TRPC5: variants seen among roughly 807,000 people sequenced by gnomAD.
TRPC5 encodes the protein short transient receptor potential channel 5.
Under a neutral mutation model 56.5 loss-of-function variants are expected in TRPC5, and 9 were observed. The ratio of observed to expected loss-of-function variants is 0.16; its 90% CI spans 0.10 to 0.28. The LOEUF (loss-of-function observed/expected upper bound fraction) is 0.28. Among genes scored for constraint, TRPC5 ranks in the 10% least tolerant of loss-of-function variants. The pLI is 1.00. For synonymous variants in TRPC5, 282 were observed against 278.5 expected (o/e 1.01, Z -0.13); for missense variants, 469 against 748.9 (o/e 0.63, Z 4.36).
At chrX:111,995,230 T>C (rs947842344) in intron 1 of TRPC5, among the ~76,000 whole-genome samples, 2 of 111,985 alleles carry the variant, frequency 1.8e-5, no homozygotes, top group Non-Finnish European at 3.8e-5. Flanking sequence ...AATCATGTGG[T>C]TTTAGTCATT....
At chrX:112,064,428 A>G (rs1178576114) in intron 1 of TRPC5, among the ~76,000 whole-genome samples, 1 of 111,951 alleles carries the variant, frequency 8.9e-6, no homozygotes, top group Non-Finnish European at 1.9e-5. Flanking sequence ...TCAGTCGACA[A>G]GTGTAGGGGG....
intron 1 of TRPC5, among the ~76,000 whole-genome samples, chrX:112,039,940 T>C (rs763953115): frequency 8.9e-6 from 1 of 112,236 alleles, no homozygotes; most frequent in Non-Finnish European, 1.9e-5. Context: ...ACTGAATATC[T>C]TGGAGGAAAG....
chrX:111,950,119 T>G (rs1229571922), intron 2 of TRPC5, among the ~76,000 whole-genome samples: 3 of 111,029 alleles, frequency 2.7e-5, no homozygotes, highest in African/African-American at 6.6e-5. Flanking sequence ...GGTCAGGAGA[T>G]CAAGAACATC....
chrX:112,048,399 C>CAAAA (rs58537492), intron 1 of TRPC5, among the ~76,000 whole-genome samples: 1,106 of 21,451 alleles, frequency 0.052, 193 homozygotes, highest in African/African-American at 0.17. Context: ...GACTCCGTAT[C>CAAAA]AAAAAAAAAA....
At chrX:112,070,755 C>CG (rs1457762936) in intron 1 of TRPC5, among the ~76,000 whole-genome samples, 1 of 107,207 alleles carries the variant, frequency 9.3e-6, no homozygotes, top group African/African-American at 3.6e-5. Context: ...AACTGCCCCC[C>CG]CCCAAAGTTA....
intron 5 of TRPC5, 32 bp downstream of exon 5, chrX:111,852,266 G>T: frequency 8.4e-7 from 1 of 1,194,507 alleles, no homozygotes; most frequent in Non-Finnish European, 1.1e-6. Context: ...CAAAATCGCT[G>T]TGTAGGAAAT....
chrX:111,888,693 C>CAAAAAAAAAAAAAAAAAAA (rs753735549), intron 3 of TRPC5, among the ~76,000 whole-genome samples: 1 of 10,985 alleles, frequency 9.1e-5, no homozygotes, highest in Non-Finnish European at 2.1e-4. Context: ...GACTCTATCT[C>CAAAAAAAAAAAAAAAAAAA]AAAAAAAAAA....
intron 1 of TRPC5, among the ~76,000 whole-genome samples, chrX:112,040,047 G>A (rs1447381870): frequency 8.9e-6 from 1 of 111,748 alleles, no homozygotes; most frequent in East Asian, 2.8e-4. Context: ...TAATTAAGGA[G>A]GCTCTCCAAA....
intron 3 of TRPC5, among the ~76,000 whole-genome samples, chrX:111,887,989 C>T (rs747059868): frequency 1.8e-5 from 2 of 111,384 alleles, no homozygotes; most frequent in East Asian, 2.8e-4. Flanking sequence ...CTCAGGACTG[C>T]CAAGTTGGGA....
Position 111,819,124 on chromosome X carries a change from C to T in TRPC5, c.1896+15797G>A, listed in dbSNP as rs137933843. On this transcript the variant is annotated intron_variant, in intron 7 of 10. Coordinates refer to ENST00000262839, the MANE Select transcript of TRPC5 (RefSeq NM_012471.3). ...TATACTGTCTTTTTGGGAAGTGCAC[C>T]GGCATCAGGAAGGTTCCTGCAAAAT... is the stretch of plus-strand genomic sequence containing the variant. 4.8e-3 allele frequency among the ~76,000 whole-genome samples: 536 copies of T among 111,369 alleles called. 3 individuals are homozygous for T. The highest frequency in any genetic ancestry group is 0.017 in the African/African-American group (512 of 30,651).
At chrX:111,838,118 C>T (rs1225012171) in intron 6 of TRPC5, among the ~76,000 whole-genome samples, 1 of 110,274 alleles carries the variant, frequency 9.1e-6, no homozygotes, top group East Asian at 2.8e-4. Flanking sequence ...ACAAAGAATG[C>T]ATGCATAAAT....
intron 7 of TRPC5, among the ~76,000 whole-genome samples, chrX:111,808,269 G>A (rs1263872603): frequency 9.0e-6 from 1 of 110,624 alleles, no homozygotes; most frequent in African/African-American, 3.3e-5. Context: ...CAGGAGCCAG[G>A]GCCTACAGTC....
rs1472327045 is a variant in TRPC5 at position 111,776,562 on chromosome X, T to C, written c.2673A>G (p.Ala891=). ...IRYSQMEKGK[A]EACSQSEINL... ...TAATTTCACTTTGAGAACAGGCCTC[T>C]GCTTTCCCTTTCTCCATCTGAGAAT... The change falls in exon 11 of 11, where the codon GCA becomes GCG. Residue 891 remains alanine (A), a synonymous_variant. Coordinates refer to ENST00000262839, the MANE Select transcript of TRPC5 (RefSeq NM_012471.3). 2.5e-6 allele frequency: 3 copies of C among 1,212,055 alleles called. No individual in the cohort carries two copies. The highest frequency in any genetic ancestry group is 3.3e-6 in the Non-Finnish European group (3 of 895,598).
intron 1 of TRPC5, among the ~76,000 whole-genome samples, chrX:111,967,516 G>C (rs1461777898): frequency 5.4e-5 from 6 of 111,703 alleles, no homozygotes; most frequent in African/African-American, 2.0e-4. Flanking sequence ...GAGCCCGCAT[G>C]GCCAAGTCAA....
At chrX:111,940,222 G>A (rs68115990) in intron 2 of TRPC5, among the ~76,000 whole-genome samples, 33,026 of 110,545 alleles carry the variant, frequency 0.3, 6,706 homozygotes, top group African/African-American at 0.74. Flanking sequence ...TTAGTTTCCA[G>A]AATACCTCGT....
At chrX:111,862,148 A>C (rs1923423179) in intron 3 of TRPC5, among the ~76,000 whole-genome samples, 1 of 111,734 alleles carries the variant, frequency 8.9e-6, no homozygotes, top group East Asian at 2.8e-4. Context: ...TTTAGGTTAG[A>C]GCTTCGGCAT....
chrX:111,924,366 G>A lies in TRPC5; in HGVS notation c.379-11554C>T, dbSNP rs750929443. ...TTGGGTCTAAGAGTGCAAAAGAAAA[G>A]TTACAAAAGGGCAGTTCTGACCTTC... On this transcript the variant is annotated intron_variant, in intron 2 of 10. Coordinates refer to ENST00000262839, the MANE Select transcript of TRPC5 (RefSeq NM_012471.3). Among the ~76,000 whole-genome samples the A allele has an allele frequency of 3.6e-3, 401 of 110,686 alleles. 1 individual carries two copies. Among genetic ancestry groups the A allele is most frequent in the Non-Finnish European group, 5.3e-3 (280 of 52,876 alleles).
At position 111,776,092 on chromosome X, in the gene TRPC5, G is replaced by C; in HGVS notation, c.*221C>G. Reference sequence around the variant, plus strand: ...CACCCCTTCAGTCGGTTGTAAGATGGACTTAGTGTGTATAGGTATTAAAAA... The same window carrying C: ...CACCCCTTCAGTCGGTTGTAAGATGCACTTAGTGTGTATAGGTATTAAAAA... On this transcript the variant is annotated 3_prime_UTR_variant, in exon 11 of 11. Coordinates refer to ENST00000262839, the MANE Select transcript of TRPC5 (RefSeq NM_012471.3). 3.0e-6 allele frequency: 1 copy of C among 331,186 alleles called. No homozygotes were observed. Among genetic ancestry groups the C allele is most frequent in the Non-Finnish European group, 5.2e-6 (1 of 191,982 alleles). 27.3% of individuals were successfully genotyped at this position (331,186 alleles called of 1,213,427 possible). A position where few individuals can be genotyped will look rare whatever the true frequency, so the allele number is the denominator to read the frequency against.
At chrX:111,877,826 C>A (rs754016411) in intron 3 of TRPC5, among the ~76,000 whole-genome samples, 1 of 111,169 alleles carries the variant, frequency 9.0e-6, no homozygotes, top group Admixed American at 9.6e-5. Context: ...AAAAAGAAAC[C>A]TGAGGCTGAG....
Sources: allele counts gnomAD v4.1 joint callset (sites outside exome capture counted in the v4.1 genomes callset), GRCh38; gene constraint gnomAD v4.1.1; transcripts MANE v1.5; gene names NCBI Gene and HGNC (gene_info 2026-07-23, HGNC 2026-07-21).